The following VTI1A variants were observed in gnomAD, a reference collection of about 807,000 sequenced individuals.
The protein encoded by VTI1A is vesicle transport through interaction with t-SNAREs 1A.
A neutral mutation model predicts 34.9 loss-of-function variants in VTI1A; 22 were observed. The ratio of observed to expected loss-of-function variants is 0.63; its 90% CI spans 0.45 to 0.90. The LOEUF is 0.90. Among genes scored for constraint, VTI1A ranks in the 40% least tolerant of loss-of-function variants. The pLI, the probability that VTI1A is intolerant of heterozygous loss-of-function variation, is 0.00. For missense variants in VTI1A, 268 were observed against 275.6 expected (o/e 0.97, Z 0.20); for synonymous variants, 87 against 97.3 (o/e 0.89, Z 0.62).
chr10:112,603,624 T>C (rs1263184906), intron 5 of VTI1A, among the ~76,000 whole-genome samples: 1 of 152,140 alleles, frequency 6.6e-6, no homozygotes, highest in Non-Finnish European at 1.5e-5. Flanking sequence ...TCTCAAAATA[T>C]ATCCTAGGAA....
intron 5 of VTI1A, among the ~76,000 whole-genome samples, chr10:112,574,181 C>T (rs557632149): frequency 8.7e-4 from 132 of 152,244 alleles, no homozygotes; most frequent in African/African-American, 2.9e-3. Context: ...TGAGGAGTGG[C>T]ACATGATTGG....
At chr10:112,632,461 A>C (rs1301348556) in intron 5 of VTI1A, among the ~76,000 whole-genome samples, 2 of 152,246 alleles carry the variant, frequency 1.3e-5, no homozygotes, top group South Asian at 2.1e-4. Context: ...CTGGTGGTTT[A>C]ACACAACAAA....
rs182554615 is a variant in VTI1A, at chr10:112,695,324, G to T, written c.560+26326G>T. 3.3e-5 allele frequency among the ~76,000 whole-genome samples: 5 copies of T among 152,034 alleles called. No individual in the cohort carries two copies. In the East Asian group the frequency reaches 9.7e-4, roughly 29 times the overall value. On this transcript the variant is annotated intron_variant, in intron 7 of 7. Transcript: ENST00000393077. ...AGAAACATTGGGTATAAGGAAAAGG[G>T]CATATGTATTTACATAAATAAAAAG...
chr10:112,841,754 T>G, the VTI1A span, among the ~76,000 whole-genome samples: 6,038 of 152,276 alleles, frequency 0.04, 386 homozygotes, highest in African/African-American at 0.14. Flanking sequence ...GGGAGCTCAG[T>G]CACCAGGGTT....
chr10:112,640,793 A>G (rs1030011729), intron 5 of VTI1A, among the ~76,000 whole-genome samples: 1 of 152,186 alleles, frequency 6.6e-6, no homozygotes, highest in Non-Finnish European at 1.5e-5. Context: ...GTGAATCAGT[A>G]TTCTTTTGTG....
the VTI1A span, among the ~76,000 whole-genome samples, chr10:112,828,145 C>A: frequency 9.9e-5 from 15 of 152,250 alleles, no homozygotes; most frequent in Admixed American, 5.2e-4. Flanking sequence ...AACCATCACA[C>A]TCATCATGAC....
the VTI1A span, among the ~76,000 whole-genome samples, chr10:112,847,847 A>T: frequency 6.6e-6 from 1 of 152,092 alleles, no homozygotes; most frequent in East Asian, 1.9e-4. Context: ...TTTCCCTAGA[A>T]TCTCTTGGGT....
At chr10:112,688,048 G>A (rs887864410) in intron 7 of VTI1A, among the ~76,000 whole-genome samples, 10 of 150,356 alleles carry the variant, frequency 6.7e-5, no homozygotes, top group Non-Finnish European at 1.2e-4. Flanking sequence ...CTGCCTCTCA[G>A]GTTCAAGCGA....
chr10:112,553,396 A>G (rs902691463), intron 5 of VTI1A, among the ~76,000 whole-genome samples: 4 of 152,256 alleles, frequency 2.6e-5, no homozygotes, highest in African/African-American at 9.6e-5. Context: ...CCTGAGAGAT[A>G]AATGTGATAA....
intron 5 of VTI1A, among the ~76,000 whole-genome samples, chr10:112,621,880 T>C (rs1219675735): frequency 1.3e-5 from 2 of 152,210 alleles, no homozygotes; most frequent in African/African-American, 4.8e-5. Flanking sequence ...TATACGCTCC[T>C]TATATGCAAG....
At chr10:112,576,162 G>A (rs1236609048) in intron 5 of VTI1A, among the ~76,000 whole-genome samples, 1 of 151,730 alleles carries the variant, frequency 6.6e-6, no homozygotes, top group Non-Finnish European at 1.5e-5. Context: ...CTGGGACTAC[G>A]GGCAACAGCC....
At position 112,562,612 on chromosome 10, in the gene VTI1A, G is replaced by A. The variant is rs561805803; in HGVS notation, c.427+24282G>A. On this transcript the variant is annotated intron_variant, in intron 5 of 7. Coordinates refer to ENST00000393077, the MANE Select transcript of VTI1A (RefSeq NM_145206.4). ...CAACATCTGAGTGTCTCTTGATTTAGATAGTTTTATCATGGCAATCGCATG... is the reference window on the plus strand; with the variant it reads ...CAACATCTGAGTGTCTCTTGATTTAAATAGTTTTATCATGGCAATCGCATG... 1.6e-3 allele frequency among the ~76,000 whole-genome samples: 248 copies of A among 151,868 alleles called. 1 individual carries two copies. Among genetic ancestry groups the A allele is most frequent in the African/African-American group, 5.8e-3 (241 of 41,402 alleles).
intron 7 of VTI1A, among the ~76,000 whole-genome samples, chr10:112,713,892 T>C (rs1442421686): frequency 6.6e-6 from 1 of 152,104 alleles, no homozygotes; most frequent in Non-Finnish European, 1.5e-5. Context: ...TAGGAAATAA[T>C]TTTTTTGTGG....
chr10:112,615,117 G>A (rs1845467841), intron 5 of VTI1A, among the ~76,000 whole-genome samples: 1 of 152,142 alleles, frequency 6.6e-6, no homozygotes, highest in Non-Finnish European at 1.5e-5. Context: ...TTGGCAATGG[G>A]TTAAGGATTT....
At chr10:112,610,339 C>G (rs1258038449) in intron 5 of VTI1A, among the ~76,000 whole-genome samples, 1 of 152,058 alleles carries the variant, frequency 6.6e-6, no homozygotes, top group African/African-American at 2.4e-5. Flanking sequence ...AATCAATAAT[C>G]TCTTGAGCCT....
chr10:112,833,567 A>G, the VTI1A span, among the ~76,000 whole-genome samples: 2 of 152,102 alleles, frequency 1.3e-5, no homozygotes, highest in Non-Finnish European at 2.9e-5. Context: ...TAGATTAATG[A>G]TACTCTATGA....
At chr10:112,768,188 G>T (rs528905975) in intron 7 of VTI1A, among the ~76,000 whole-genome samples, 2 of 152,200 alleles carry the variant, frequency 1.3e-5, no homozygotes, top group East Asian at 3.8e-4. Flanking sequence ...ATTGCATGAC[G>T]AGTGTGAGGA....
intron 3 of VTI1A, among the ~76,000 whole-genome samples, chr10:112,513,903 G>A (rs1037517376): frequency 5.1e-4 from 78 of 151,862 alleles, no homozygotes; most frequent in African/African-American, 1.8e-3. Context: ...CATGGTGAAT[G>A]ATTCCTTTAA....
At chr10:112,484,752 C>A (rs1848561615) in intron 3 of VTI1A, among the ~76,000 whole-genome samples, 1 of 151,142 alleles carries the variant, frequency 6.6e-6, no homozygotes, top group South Asian at 2.1e-4. Context: ...ATTTTAAGAC[C>A]CAAGATTTAT....
Sources: allele counts gnomAD v4.1 joint callset (sites outside exome capture counted in the v4.1 genomes callset), GRCh38; gene constraint gnomAD v4.1.1; transcripts MANE v1.5; gene names NCBI Gene and HGNC (gene_info 2026-07-23, HGNC 2026-07-21).